SLC26A8: variants seen among roughly 807,000 people sequenced by gnomAD.
The protein encoded by SLC26A8 is solute carrier family 26 member 8, also known as testis anion transporter 1.
SLC26A8 carries 70 observed loss-of-function variants against 105.0 expected under a neutral mutation model. The ratio of observed to expected loss-of-function variants is 0.67; its 90% confidence interval spans 0.55 to 0.81. The LOEUF (loss-of-function observed/expected upper bound fraction) is 0.81. Ranked by LOEUF, SLC26A8 falls within the 40% of genes least tolerant of loss-of-function variation. The probability of loss-of-function intolerance (pLI) is 0.00; values close to 1 mark genes in which losing one functional copy is unlikely to be tolerated. For synonymous variants in SLC26A8, 415 were observed against 438.3 expected, an observed-to-expected ratio of 0.95 and a Z score of 0.66; for missense variants, 998 against 1,181.8, an observed-to-expected ratio of 0.84 and a Z score of 2.28.
intron 3 of SLC26A8, among the ~76,000 whole-genome samples, chr6:36,011,071 C>A (rs1761843732): frequency 6.6e-6 from 1 of 152,120 alleles, no homozygotes; most frequent in Admixed American, 6.6e-5. Flanking sequence ...GCCTGTTGAG[C>A]CTCAGAAAAA....
intron 7 of SLC26A8, among the ~76,000 whole-genome samples, chr6:35,985,712 A>G (rs796362573): frequency 0.011 from 1,605 of 148,776 alleles, 43 homozygotes; most frequent in African/African-American, 0.037. Context: ...AAAAAAAAAA[A>G]AAAAAAAAAG....
At chr6:36,020,476 T>C (rs1193451070) in intron 1 of SLC26A8, among the ~76,000 whole-genome samples, 1 of 152,074 alleles carries the variant, frequency 6.6e-6, no homozygotes, top group African/African-American at 2.4e-5. Flanking sequence ...CAAAATTAGC[T>C]GGGCATGATG....
chr6:35,951,313 G>A lies in SLC26A8; in HGVS notation c.2322C>T (p.Phe774=), dbSNP rs953043420. The change falls in exon 19 of 20, where the codon TTC becomes TTT. Residue 774 remains phenylalanine, a synonymous_variant. Transcript: ENST00000490799. Reference sequence around the variant, plus strand: ...GGGTCTTGGTGATGCCAGCGTCAAAGAAATCATTCCTCTCAAATGCCCTGA... The same window carrying A: ...GGGTCTTGGTGATGCCAGCGTCAAAAAAATCATTCCTCTCAAATGCCCTGA... ...SIVRAFERND[F]FDAGITKTQL... 1 of 1,614,126 alleles carries A rather than the reference G, an allele frequency of 6.2e-7. No homozygotes were observed. Among genetic ancestry groups the A allele is most frequent in the South Asian group, 1.1e-5 (1 of 91,080 alleles).
At chr6:36,007,567 A>C (rs567128186) in intron 3 of SLC26A8, among the ~76,000 whole-genome samples, 148 of 152,366 alleles carry the variant, frequency 9.7e-4, no homozygotes, top group African/African-American at 3.5e-3. Flanking sequence ...AATCTAAACA[A>C]AAACCTTTTT....
chr6:35,945,634 A>G (rs766735048), intron 19 of SLC26A8, among the ~76,000 whole-genome samples: 18 of 152,202 alleles, frequency 1.2e-4, no homozygotes, highest in South Asian at 6.2e-4. Context: ...TTCAGAGCCA[A>G]GATGACCAGG....
rs150126929 is a variant in SLC26A8, at chr6:35,998,239, G to A, written c.446-320C>T. On this transcript the variant is annotated intron_variant, in intron 4 of 19. Coordinates refer to ENST00000490799, the MANE Select transcript of SLC26A8 (RefSeq NM_052961.4). ...TCTGCTCTTAGAGAAGGTTAAAAGT[G>A]AGATGGCAGTGAAAATATTAGAAAA... Among the ~76,000 whole-genome samples, 500 of 152,244 alleles carry A rather than the reference G, an allele frequency of 3.3e-3. 3 individuals are homozygous for A. Among genetic ancestry groups the A allele is most frequent in the African/African-American group, 0.01 (436 of 41,544 alleles).
chr6:35,975,577 A>G lies in SLC26A8; in HGVS notation c.1174-89T>C, dbSNP rs141370255. The G allele has an allele frequency of 6.5e-4, 438 of 678,076 alleles. 2 individuals carry two copies. The East Asian group carries it at 0.012, about 18-fold the overall frequency. 42.0% of individuals were successfully genotyped at this position (678,076 alleles called of 1,614,324 possible). A position where few individuals can be genotyped will look rare whatever the true frequency, so the allele number is the denominator to read the frequency against. ...AAGGCATATGGTTTTTTTTTTTTATATGAAGATAGGGTTGTTTGCATCACT... is the reference window on the plus strand; with the variant it reads ...AAGGCATATGGTTTTTTTTTTTTATGTGAAGATAGGGTTGTTTGCATCACT... On this transcript the variant is annotated intron_variant, in intron 9 of 19. Coordinates refer to ENST00000490799, the MANE Select transcript of SLC26A8 (RefSeq NM_052961.4).
intron 7 of SLC26A8, among the ~76,000 whole-genome samples, chr6:35,988,676 T>C (rs144183381): frequency 0.014 from 2,130 of 152,052 alleles, 47 homozygotes; most frequent in Non-Finnish European, 0.02. Flanking sequence ...AGAAATATTA[T>C]TATTAGACAG....
intron 9 of SLC26A8, 29 bp from the exon 10 acceptor site, chr6:35,975,517 C>A (rs994681753): frequency 6.9e-7 from 1 of 1,441,524 alleles, no homozygotes; most frequent in Non-Finnish European, 9.6e-7. Context: ...TGCTTTAGGC[C>A]CCCGTTTTTG....
rs376145664 is a variant in SLC26A8 at position 36,019,574 on chromosome 6, G to A, written c.134C>T (p.Ser45Phe). Residue 45 changes from serine to phenylalanine, a missense_variant, in exon 2 of 20, where the codon TCT becomes TTT. Coordinates refer to ENST00000490799, the MANE Select transcript of SLC26A8 (RefSeq NM_052961.4). ...FQQEHKRKAS[S>F]SGNMNINITT... ...GATGTTGATGTTCATGTTCCCAGAAGAGGAGGCCTTCCTTTTGTGTTCCTG... is the reference window on the plus strand; with the variant it reads ...GATGTTGATGTTCATGTTCCCAGAAAAGGAGGCCTTCCTTTTGTGTTCCTG... 13 of 1,614,044 alleles carry A rather than the reference G, an allele frequency of 8.1e-6. 1 individual carries two copies. The highest frequency in any genetic ancestry group is 9.3e-6 in the Non-Finnish European group (11 of 1,180,028).
intron 19 of SLC26A8, among the ~76,000 whole-genome samples, chr6:35,949,106 A>T (rs1771770734): frequency 6.6e-6 from 1 of 152,196 alleles, no homozygotes; most frequent in Non-Finnish European, 1.5e-5. Flanking sequence ...GATAGATGGC[A>T]TATAGCCCAA....
chr6:35,948,154 G>A (rs1322715896), intron 19 of SLC26A8, among the ~76,000 whole-genome samples: 1 of 152,132 alleles, frequency 6.6e-6, no homozygotes, highest in Non-Finnish European at 1.5e-5. Flanking sequence ...TTTTTGTGGG[G>A]TGGGGACCTG....
At chr6:35,947,715 G>T (rs999551204) in intron 19 of SLC26A8, among the ~76,000 whole-genome samples, 2 of 152,074 alleles carry the variant, frequency 1.3e-5, no homozygotes, top group South Asian at 4.1e-4. Flanking sequence ...TGGATTGCTG[G>T]AGCCCAGGAG....
At chr6:35,990,316 G>T in intron 7 of SLC26A8, 1 of 297,590 alleles carries the variant, frequency 3.4e-6, no homozygotes, top group Non-Finnish European at 6.5e-6. Flanking sequence ...TGAAGGCTGA[G>T]GTTTGGGTAT....
At chr6:35,950,130 C>T (rs1451739479) in intron 19 of SLC26A8, among the ~76,000 whole-genome samples, 1 of 151,850 alleles carries the variant, frequency 6.6e-6, no homozygotes, top group African/African-American at 2.4e-5. Context: ...GATGTGGTGT[C>T]TCATTTCATC....
chr6:35,977,413 C>A (rs1309068774), intron 8 of SLC26A8, 62 bp from the exon 9 acceptor site: 4 of 1,482,330 alleles, frequency 2.7e-6, no homozygotes, highest in African/African-American at 2.8e-5. Context: ...ACCTCCGCCA[C>A]TCTATTCTAA....
intron 1 of SLC26A8, among the ~76,000 whole-genome samples, chr6:36,023,843 C>T (rs934211543): frequency 6.6e-6 from 1 of 152,118 alleles, no homozygotes; most frequent in African/African-American, 2.4e-5. Context: ...AGAGCCTGGC[C>T]TTTAGATCCT....
intron 11 of SLC26A8, among the ~76,000 whole-genome samples, chr6:35,968,428 GC>G (rs1772607886): frequency 6.6e-6 from 1 of 151,072 alleles, no homozygotes; most frequent in Non-Finnish European, 1.5e-5. Flanking sequence ...TACAGGCGGT[GC>G]CCTGTATCCC....
intron 3 of SLC26A8, among the ~76,000 whole-genome samples, chr6:36,004,770 C>T (rs1389428594): frequency 6.6e-6 from 1 of 151,854 alleles, no homozygotes; most frequent in African/African-American, 2.4e-5. Context: ...CCACCTCAGC[C>T]TCCCAAAGTA....
Sources: allele counts gnomAD v4.1 joint callset (sites outside exome capture counted in the v4.1 genomes callset), GRCh38; gene constraint gnomAD v4.1.1; transcripts MANE v1.5; gene names NCBI Gene and HGNC (gene_info 2026-07-23, HGNC 2026-07-21).